RFX2: variants seen among roughly 807,000 people sequenced by gnomAD.
RFX2 encodes the protein DNA-binding protein RFX2.
In RFX2, 20 loss-of-function variants were observed where a neutral mutation model predicts 87.8. The ratio of observed to expected loss-of-function variants is 0.23; its 90% CI spans 0.16 to 0.33. The LOEUF is 0.33. RFX2 is among the 10% of genes least tolerant of loss of function. The probability of loss-of-function intolerance (pLI) is 1.00; values close to 1 mark genes in which losing one functional copy is unlikely to be tolerated. For synonymous variants in RFX2, 397 were observed against 431.3 expected (o/e 0.92, Z 0.98); for missense variants, 767 against 1,012.3 (o/e 0.76, Z 3.29).
Position 6,002,772 on chromosome 19 carries a change from C to T in RFX2, c.1599G>A (p.Gln533=), listed in dbSNP as rs763375160. Residue 533 remains glutamine, a synonymous_variant, in exon 14 of 18, where the codon CAG becomes CAA. Transcript: ENST00000303657. This position sits in a 1 kb window ranked among gnomAD's most constrained non-coding sequence, Gnocchi z 6.7. ...TGAGGTCGCTGAGCATCTGGTTGAT[C>T]TGGGACGTGTTCTGCAGCACCGCCC... ...AARAVLQNTS[Q]INQMLSDLNR... is the part of the protein sequence containing the mutation. 1.2e-6 allele frequency: 2 copies of T among 1,613,888 alleles called. No individual in the cohort carries two copies. The highest frequency in any genetic ancestry group is 1.7e-5 in the Admixed American group (1 of 60,000).
At chr19:6,030,257 A>C (rs1023060675) in intron 5 of RFX2, among the ~76,000 whole-genome samples, 1 of 152,218 alleles carries the variant, frequency 6.6e-6, no homozygotes, top group Middle Eastern at 3.2e-3. Context: ...GCAGTAGGAG[A>C]GAAGTGGCGT....
chr19:6,102,276 A>G (rs960367677), intron 1 of RFX2, among the ~76,000 whole-genome samples: 1 of 152,230 alleles, frequency 6.6e-6, no homozygotes, highest in African/African-American at 2.4e-5. Flanking sequence ...CTGTAGAAAC[A>G]TCTAGCAAAG....
chr19:6,042,004 G>T (rs943873954), intron 4 of RFX2, 40 bp downstream of exon 4: 79 of 1,566,104 alleles, frequency 5.0e-5, no homozygotes, highest in Non-Finnish European at 6.9e-5. Context: ...CTGGAGTCAG[G>T]GAGAGGGTTC....
intron 1 of RFX2, among the ~76,000 whole-genome samples, chr19:6,080,411 C>A (rs563778247): frequency 2.2e-4 from 33 of 152,138 alleles, no homozygotes; most frequent in Non-Finnish European, 4.4e-4. Context: ...GTGAGCAGGT[C>A]AGATGAAAGT....
At chr19:6,103,890 C>A (rs762937279) in intron 1 of RFX2, among the ~76,000 whole-genome samples, 1 of 152,254 alleles carries the variant, frequency 6.6e-6, no homozygotes, top group East Asian at 1.9e-4. Flanking sequence ...TCATCCCAGG[C>A]CACTTACTAC....
Position 6,039,877 on chromosome 19 carries a change from A to G in RFX2, c.522+103T>C, listed in dbSNP as rs1206080624. ...GCCGCCTGGGCCCAGAGCAGACGACAGCCCCTCCGGGCCTCCGGCTGCCTC... is the reference window on the plus strand; with the variant it reads ...GCCGCCTGGGCCCAGAGCAGACGACGGCCCCTCCGGGCCTCCGGCTGCCTC... On this transcript the variant is annotated intron_variant, in intron 5 of 17. Coordinates refer to ENST00000303657, the MANE Select transcript of RFX2 (RefSeq NM_000635.4). The surrounding 1 kb of genome is among the most constrained non-coding windows in gnomAD (Gnocchi z 5.2). 2 of 1,357,738 alleles carry G rather than the reference A, an allele frequency of 1.5e-6. No homozygotes were observed. The highest frequency in any genetic ancestry group is 5.2e-5 in the East Asian group (2 of 38,566). The allele number at this position is 1,357,738 out of a possible 1,614,324, so 84.1% of individuals were successfully genotyped here.
chr19:6,109,911 C>A (rs1214272420), intron 1 of RFX2, among the ~76,000 whole-genome samples: 2 of 151,658 alleles, frequency 1.3e-5, no homozygotes, highest in East Asian at 1.9e-4. Context: ...AGAAGAGGGT[C>A]CCCTGGCGCC....
At chr19:6,035,897 A>G (rs2087017103) in intron 5 of RFX2, among the ~76,000 whole-genome samples, 1 of 145,002 alleles carries the variant, frequency 6.9e-6, no homozygotes, top group Non-Finnish European at 1.5e-5. Flanking sequence ...GTGAAAACAT[A>G]GCCTATTCAC....
chr19:6,087,296 C>T lies in RFX2; in HGVS notation c.-9+23097G>A, dbSNP rs565245713. Among the ~76,000 whole-genome samples the T allele has an allele frequency of 3.2e-4, 49 of 152,256 alleles. No homozygotes were observed. The South Asian group carries it at 1.0e-2, about 31-fold the overall frequency. On this transcript the variant is annotated intron_variant, in intron 1 of 17. Transcript: ENST00000303657. The stretch of plus-strand genomic sequence containing the variant: ...AGGTGGCTACTCCTCCCTCCCACTG[C>T]CCTGTATTTAGGAATTCAAACAGCC...
At chr19:6,006,467 T>TTA (rs1410026001) in intron 12 of RFX2, among the ~76,000 whole-genome samples, 1 of 149,722 alleles carries the variant, frequency 6.7e-6, no homozygotes, top group Non-Finnish European at 1.5e-5. Context: ...CTCATTTTTT[T>TTA]TTTTTTTTTT....
rs906462703 is a variant in RFX2, at chr19:6,023,622, G to A, written c.597+2541C>T. Among the ~76,000 whole-genome samples the A allele has an allele frequency of 6.6e-6, 1 of 152,158 alleles. No homozygotes were observed. Among genetic ancestry groups the A allele is most frequent in the Non-Finnish European group, 1.5e-5 (1 of 68,038 alleles). On this transcript the variant is annotated intron_variant, in intron 6 of 17. Transcript: ENST00000303657. The surrounding 1 kb of genome is among the most constrained non-coding windows in gnomAD (Gnocchi z 4.9). The stretch of plus-strand genomic sequence containing the variant: ...GAAACAACTCAACAGCGAATCATCA[G>A]TGAGTAAAAGAAACGAGAGATTTTA...
chr19:6,097,565 C>T (rs1390669596), intron 1 of RFX2, among the ~76,000 whole-genome samples: 2 of 151,834 alleles, frequency 1.3e-5, no homozygotes, highest in African/African-American at 2.4e-5. Flanking sequence ...CCATGGGTAA[C>T]ATCATGGCAA....
Position 6,026,160 on chromosome 19 carries a change from T to G in RFX2, c.597+3A>C. ...CAGGTTGCCAGGTCAGACGCACACTTACATGGCTGTTGAGTAAACCGCTTT... is the reference window on the plus strand; with the variant it reads ...CAGGTTGCCAGGTCAGACGCACACTGACATGGCTGTTGAGTAAACCGCTTT... On this transcript the variant is annotated splice_donor_region_variant and intron_variant, in intron 6 of 17. Coordinates refer to ENST00000303657, the MANE Select transcript of RFX2 (RefSeq NM_000635.4). The surrounding 1 kb of genome is among the most constrained non-coding windows in gnomAD (Gnocchi z 4.5). 1 of 1,612,876 alleles carries G rather than the reference T, an allele frequency of 6.2e-7. No homozygotes were observed. The highest frequency in any genetic ancestry group is 8.5e-7 in the Non-Finnish European group (1 of 1,179,180).
In RFX2 at chr19:6,044,950, C is replaced by T. The variant is rs181489044; in HGVS notation, c.91-668G>A. On this transcript the variant is annotated intron_variant, in intron 2 of 17. Transcript: ENST00000303657. The surrounding 1 kb of genome is among the most constrained non-coding windows in gnomAD (Gnocchi z 5.3). ...GGCTTTGCTATTTTTCTGGGAGTAC[C>T]GATTGGCCACACAAAGCTATCAAAA... 6.6e-6 allele frequency among the ~76,000 whole-genome samples: 1 copy of T among 152,200 alleles called. No homozygotes were observed. The highest frequency in any genetic ancestry group is 1.5e-5 in the Non-Finnish European group (1 of 68,014).
chr19:6,019,843 T>G (rs976886694), intron 6 of RFX2: 2 of 152,160 alleles, frequency 1.3e-5, no homozygotes, highest in Non-Finnish European at 2.9e-5. Context: ...CAGACTATGC[T>G]CTCCCTGAGG....
In RFX2 at chr19:6,002,671, T is replaced by C. The variant is rs549125154; in HGVS notation, c.1650+50A>G. 1.5e-5 allele frequency: 24 copies of C among 1,603,066 alleles called. No individual in the cohort carries two copies. The East Asian group carries it at 4.9e-4, about 33-fold the overall frequency. ...CTCCACTTGGTGGGTTTGCTGGTTT[T>C]GCTGGAGGGCGGGAAGCCCGGGCCC... On this transcript the variant is annotated intron_variant, in intron 14 of 17. Transcript: ENST00000303657. The surrounding 1 kb of genome is among the most constrained non-coding windows in gnomAD (Gnocchi z 6.7).
At chr19:6,069,518 C>A (rs1358916848) in intron 1 of RFX2, among the ~76,000 whole-genome samples, 1 of 152,204 alleles carries the variant, frequency 6.6e-6, no homozygotes, top group African/African-American at 2.4e-5. Context: ...ACTATCTGGG[C>A]TCACCAAGGA....
At chr19:5,995,328 A>C (rs938857486) in intron 17 of RFX2, among the ~76,000 whole-genome samples, 1 of 151,964 alleles carries the variant, frequency 6.6e-6, no homozygotes, top group Non-Finnish European at 1.5e-5. Context: ...GGCGCAGGAG[A>C]CCAGGGGCTG....
intron 7 of RFX2, among the ~76,000 whole-genome samples, chr19:6,015,567 C>T (rs543095792): frequency 6.6e-6 from 1 of 152,160 alleles, no homozygotes; most frequent in South Asian, 2.1e-4. Flanking sequence ...TGGCTCACCG[C>T]AGCCTCAACC....
Sources: allele counts gnomAD v4.1 joint callset (sites outside exome capture counted in the v4.1 genomes callset), GRCh38; gene constraint gnomAD v4.1.1; non-coding constraint Gnocchi (gnomAD v3.1); transcripts MANE v1.5; gene names NCBI Gene and HGNC (gene_info 2026-07-23, HGNC 2026-07-21).